The following GPR108 variants were observed in gnomAD, a reference collection of about 807,000 sequenced individuals.
The protein encoded by GPR108 is G protein-coupled receptor 108, also known as protein GPR108.
GPR108 carries 60 observed loss-of-function variants against 74.3 expected under a neutral mutation model. The ratio of observed to expected loss-of-function variants is 0.81; its 90% CI spans 0.66 to 1.00. The LOEUF is 1.00. GPR108 is among the 50% of genes least tolerant of loss of function. The pLI is 0.00. For missense variants in GPR108, 667 were observed against 703.3 expected, an observed-to-expected ratio of 0.95 and a Z score of 0.58; for synonymous variants, 311 against 292.4, an observed-to-expected ratio of 1.06 and a Z score of -0.65.
rs2145481806 is a variant in GPR108, at chr19:6,733,588, C to A, written c.705G>T (p.Glu235Asp). Residue 235 changes from glutamate (E) to aspartate (D), a missense_variant, in exon 8 of 18, where the codon GAG becomes GAT. Transcript: ENST00000264080. Reference protein sequence around the residue: ...HNCNNSVPGKEHPFDITVMIR... With the variant: ...HNCNNSVPGKDHPFDITVMIR... The stretch of plus-strand genomic sequence containing the variant: ...CGCTCACCGTGATGTCGAATGGATG[C>A]TCCTTTCCTGGCACTGAATTGTTGC... The A allele has an allele frequency of 6.2e-7, 1 of 1,614,116 alleles. No homozygotes were observed. The highest frequency in any genetic ancestry group is 2.2e-5 in the East Asian group (1 of 44,886).
In GPR108 at chr19:6,735,969, GAA is replaced by G; in HGVS notation, c.241-13_241-12del. On this transcript the variant is annotated splice_polypyrimidine_tract_variant and intron_variant, in intron 2 of 17. Coordinates refer to ENST00000264080, the MANE Select transcript of GPR108 (RefSeq NM_001080452.2). The stretch of plus-strand genomic sequence containing the variant: ...GAGACTGAACCCCACCTGGTGGGTG[GAA>G]AAAAAAAGGGGAGGGTGTGAGGGAC... The G allele has an allele frequency of 1.9e-6, 3 of 1,573,402 alleles. No individual in the cohort carries two copies. The highest frequency in any genetic ancestry group is 1.7e-6 in the Non-Finnish European group (2 of 1,156,508).
rs768885580 is a variant in GPR108, at chr19:6,733,835, A to C, written c.618+10T>G. ...GTGACGGAAGGGCCGCAGGCGCTGC[A>C]AACACTCACACTGAAGTTGTAGGAG... On this transcript the variant is annotated intron_variant, in intron 7 of 17. Transcript: ENST00000264080. 13 of 1,613,856 alleles carry C rather than the reference A, an allele frequency of 8.1e-6. No individual in the cohort carries two copies. In the African/African-American group the frequency reaches 1.7e-4, roughly 22 times the overall value.
rs780817351 is a variant in GPR108 at position 6,733,671 on chromosome 19, G to A, written c.622C>T (p.His208Tyr). The A allele has an allele frequency of 3.1e-6, 5 of 1,613,970 alleles. No homozygotes were observed. Among genetic ancestry groups the A allele is most frequent in the East Asian group, 2.2e-5 (1 of 44,872 alleles). ...TCCGCCTGAGAGCCGATCACCACGT[G>A]GAACTGGGCGGGCGGGGAGAGAGGA... is the stretch of plus-strand genomic sequence containing the variant. Reference protein sequence around the residue: ...HLNNSYNFSFHVVIGSQAEEG... With the variant: ...HLNNSYNFSFYVVIGSQAEEG... Residue 208 changes from histidine (H) to tyrosine (Y), a missense_variant, in exon 8 of 18, where the codon CAC (histidine) becomes TAC (tyrosine). Transcript: ENST00000264080.
At position 6,732,280 on chromosome 19, in the gene GPR108, T is replaced by A. The variant is rs768306463; in HGVS notation, c.1108A>T (p.Ile370Phe). 2 of 1,612,602 alleles carry A rather than the reference T, an allele frequency of 1.2e-6. No homozygotes were observed. The highest frequency in any genetic ancestry group is 1.7e-6 in the Non-Finnish European group (2 of 1,180,002). Residue 370 changes from isoleucine (I) to phenylalanine (F), a missense_variant, in exon 12 of 18, where the codon ATC (isoleucine) becomes TTC (phenylalanine). Physicochemically the swap from Ile to Phe is conservative, Grantham distance 21 (BLOSUM62 0). Coordinates refer to ENST00000264080, the MANE Select transcript of GPR108 (RefSeq NM_001080452.2). ...ATCCGCACCTGCATGGGGATCACGA[T>A]CCCAAAGACCTTCTTCTCCTTATCC... is the stretch of plus-strand genomic sequence containing the variant. Reference protein sequence around the residue: ...LSDKEKKVFGIVIPMQVLANV... With the variant: ...LSDKEKKVFGFVIPMQVLANV...
rs773234074 is a variant in GPR108 at position 6,732,008 on chromosome 19, G to A, written c.1256+17C>T. On this transcript the variant is annotated intron_variant, in intron 13 of 17. Coordinates refer to ENST00000264080, the MANE Select transcript of GPR108 (RefSeq NM_001080452.2). Reference sequence around the variant, plus strand: ...TGTGCACAGGGCAGAGCCTCAGCCCGGGGGCAGGGTCCTCACCAGACTACG... The same window carrying A: ...TGTGCACAGGGCAGAGCCTCAGCCCAGGGGCAGGGTCCTCACCAGACTACG... 19 of 1,611,816 alleles carry A rather than the reference G, an allele frequency of 1.2e-5. No individual in the cohort carries two copies. In the East Asian group the frequency reaches 1.8e-4, roughly 15 times the overall value.
At chr19:6,735,541 TG>T in intron 4 of GPR108, 80 bp downstream of exon 4, 1 of 1,204,146 alleles carries the variant, frequency 8.3e-7, no homozygotes. Context: ...TCATCCCACC[TG>T]ATCAGCCCAG....
chr19:6,736,591 C>T lies in GPR108; in HGVS notation c.240+1G>A. Reference sequence around the variant, plus strand: ...CCAGCAAACTCCTCAAGGTCCCTCACCAGCAGGGACTTCTCTTCTGCCTCC... The same window carrying T: ...CCAGCAAACTCCTCAAGGTCCCTCATCAGCAGGGACTTCTCTTCTGCCTCC... On this transcript the variant is annotated splice_donor_variant, in intron 2 of 17. Coordinates refer to ENST00000264080, the MANE Select transcript of GPR108 (RefSeq NM_001080452.2). LOFTEE classifies it high-confidence loss of function. The T allele has an allele frequency of 6.2e-7, 1 of 1,613,370 alleles. No individual in the cohort carries two copies. Among genetic ancestry groups the T allele is most frequent in the Non-Finnish European group, 8.5e-7 (1 of 1,179,680 alleles).
In GPR108 at chr19:6,733,865, T is replaced by C; in HGVS notation, c.598A>G (p.Asn200Asp). The C allele has an allele frequency of 6.2e-7, 1 of 1,614,124 alleles. No homozygotes were observed. The highest frequency in any genetic ancestry group is 8.5e-7 in the Non-Finnish European group (1 of 1,179,976). Residue 200 changes from asparagine to aspartate, a missense_variant, in exon 7 of 18, where the codon AAC (asparagine) becomes GAC (aspartate). By Grantham distance (23) the Asn-to-Asp change is conservative. Coordinates refer to ENST00000264080, the MANE Select transcript of GPR108 (RefSeq NM_001080452.2). ...KDLVLGLSHL[N>D]NSYNFSFHVV... ...CTCACACTGAAGTTGTAGGAGTTGT[T>C]GAGGTGGCTCAGGCCCAACACCAGG...
chr19:6,737,400 G>C, intron 1 of GPR108, 57 bp downstream of exon 1: 1 of 1,556,266 alleles, frequency 6.4e-7, no homozygotes, highest in Non-Finnish European at 8.6e-7. Flanking sequence ...AAGCCAGGGG[G>C]CTTCTCCGAG....
In GPR108 at chr19:6,735,690, C is replaced by G. The variant is rs780837415; in HGVS notation, c.306G>C (p.Gln102His). The change falls in exon 4 of 18, where the codon CAG (glutamine) becomes CAC (histidine). Residue 102 changes from glutamine to histidine, a missense_variant. Transcript: ENST00000264080. ...RVRSYSTRDF[Q>H]DCPLQKNSSS... Reference sequence around the variant, plus strand: ...TACTGTTTTTCTGGAGAGGGCAGTCCTGGAAATCCCGGGTCTGGGGGGTGG... The same window carrying G: ...TACTGTTTTTCTGGAGAGGGCAGTCGTGGAAATCCCGGGTCTGGGGGGTGG... The G allele has an allele frequency of 1.7e-5, 28 of 1,613,942 alleles. No individual in the cohort carries two copies. Among genetic ancestry groups the G allele is most frequent in the Non-Finnish European group, 2.4e-5 (28 of 1,179,986 alleles).
At chr19:6,731,958 G>A (rs200920488) in intron 13 of GPR108, 24 bp from the exon 14 acceptor site, 306 of 1,613,256 alleles carry the variant, frequency 1.9e-4, no homozygotes, top group South Asian at 1.4e-4. Flanking sequence ...AGGACACAGG[G>A]TACGGTCAGC....
chr19:6,734,451 G>C (rs1968549860), intron 4 of GPR108, 144 bp from the exon 5 acceptor site: 2 of 781,190 alleles, frequency 2.6e-6, no homozygotes, highest in African/African-American at 1.7e-5. Flanking sequence ...CTGAGTTTCA[G>C]CCTTTGGTTC....
chr19:6,735,340 T>G lies in GPR108; in HGVS notation c.374+282A>C, dbSNP rs529852097. The G allele has an allele frequency of 1.1e-3, 410 of 356,710 alleles. 1 individual carries two copies. The highest frequency in any genetic ancestry group is 1.6e-3 in the Non-Finnish European group (311 of 194,396). 22.1% of individuals were successfully genotyped at this position (356,710 alleles called of 1,614,324 possible). A position where few individuals can be genotyped will look rare whatever the true frequency, so the allele number is the denominator to read the frequency against. Reference sequence around the variant, plus strand: ...AGGATAAGGAATGGGTGAGTTAGTGTATTAAAGCTCCGGGACACCGGAAGC... The same window carrying G: ...AGGATAAGGAATGGGTGAGTTAGTGGATTAAAGCTCCGGGACACCGGAAGC... On this transcript the variant is annotated intron_variant, in intron 4 of 17. Transcript: ENST00000264080.
rs1968445395 is a variant in GPR108 at position 6,732,323 on chromosome 19, G to A, written c.1065C>T (p.Phe355=). ...TIALIGSGWA[F]IKYVLSDKEK... ...CCTTATCCGACAGGACGTACTTGAT[G>A]AAGGCCCAGCCTGAGCCAATCAGGG... Residue 355 remains phenylalanine, a synonymous_variant, in exon 12 of 18, where the codon TTC becomes TTT. Coordinates refer to ENST00000264080, the MANE Select transcript of GPR108 (RefSeq NM_001080452.2). 1 of 1,613,314 alleles carries A rather than the reference G, an allele frequency of 6.2e-7. No individual in the cohort carries two copies. The highest frequency in any genetic ancestry group is 1.1e-5 in the South Asian group (1 of 91,092).
At chr19:6,733,346 C>T (rs746719064) in intron 8 of GPR108, 45 bp from the exon 9 acceptor site, 4 of 1,592,120 alleles carry the variant, frequency 2.5e-6, no homozygotes, top group Non-Finnish European at 3.4e-6. Context: ...CACAGCCCGA[C>T]CGCTGGCCTG....
At chr19:6,735,745 C>T (rs1207005520) in intron 3 of GPR108, 41 bp from the exon 4 acceptor site, 1 of 1,586,972 alleles carries the variant, frequency 6.3e-7, no homozygotes, top group Non-Finnish European at 8.7e-7. Flanking sequence ...GGTTACTCCT[C>T]TCCTGGTCCA....
At chr19:6,736,811 C>G (rs781240699) in intron 1 of GPR108, 100 bp from the exon 2 acceptor site, 9 of 1,540,272 alleles carry the variant, frequency 5.8e-6, no homozygotes, top group Non-Finnish European at 8.0e-6. Context: ...TCCTGGTACC[C>G]CTCTATTTAG....
intron 4 of GPR108, 111 bp from the exon 5 acceptor site, chr19:6,734,418 G>T: frequency 9.7e-7 from 1 of 1,026,372 alleles, no homozygotes; most frequent in Non-Finnish European, 1.4e-6. Flanking sequence ...CTGAGGGGCG[G>T]GGTCCAGTCG....
chr19:6,737,196 G>GA (rs1342761517), intron 1 of GPR108: 4 of 506,604 alleles, frequency 7.9e-6, no homozygotes, highest in East Asian at 7.2e-5. Context: ...CAGTTGGGGG[G>GA]AAGGGGGGTG....
Sources: gnomAD v4.1 joint callset for allele counts on GRCh38, gnomAD v4.1.1 for gene constraint, MANE v1.5 for transcripts, NCBI Gene and HGNC (gene_info 2026-07-23, HGNC 2026-07-21) for gene names.